PUDP: variants seen among roughly 807,000 people sequenced by gnomAD.
PUDP encodes the protein pseudouridine 5'-phosphatase, also known as pseudouridine-5'-phosphatase.
A neutral mutation model predicts 9.4 loss-of-function variants in PUDP; 8 were observed. The ratio of observed to expected loss-of-function variants is 0.85; its 90% CI spans 0.50 to 1.53. The LOEUF (loss-of-function observed/expected upper bound fraction) is 1.53, where lower values mean the gene tolerates loss of function less well. Among genes scored for constraint, PUDP ranks in the 40% most tolerant of loss-of-function variants. The pLI is 0.00. For synonymous variants in PUDP, 99 were observed against 80.7 expected, an observed-to-expected ratio of 1.23 and a Z score of -1.22; for missense variants, 188 against 189.7, an observed-to-expected ratio of 0.99 and a Z score of 0.05.
At chrX:7,087,915 A>G (rs1197221028) in intron 2 of PUDP, among the ~76,000 whole-genome samples, 1 of 111,270 alleles carries the variant, frequency 9.0e-6, no homozygotes, top group East Asian at 2.8e-4. Context: ...TGATCGGCCT[A>G]AACTCCTCCA....
At chrX:6,780,674 C>T (rs146078050) in intron 3 of PUDP, among the ~76,000 whole-genome samples, 12 of 111,190 alleles carry the variant, frequency 1.1e-4, no homozygotes, top group African/African-American at 3.9e-4. Flanking sequence ...TGCATGATGG[C>T]GAATGAATTC....
At chrX:6,791,227 C>T (rs1602620797) in intron 3 of PUDP, among the ~76,000 whole-genome samples, 1 of 103,510 alleles carries the variant, frequency 9.7e-6, no homozygotes, top group African/African-American at 3.6e-5. Flanking sequence ...TGATGGCACA[C>T]ATTTGTAGTC....
chrX:6,857,773 T>C (rs1326724444), intron 3 of PUDP, among the ~76,000 whole-genome samples: 1 of 111,585 alleles, frequency 9.0e-6, no homozygotes, highest in Non-Finnish European at 1.9e-5. Context: ...TAAATATGTC[T>C]CTTGGTCTTC....
chrX:6,724,110 G>T (rs561115440), upstream of PUDP, among the ~76,000 whole-genome samples: 1 of 110,827 alleles, frequency 9.0e-6, no homozygotes, highest in African/African-American at 3.3e-5. Context: ...TCCGTTAAAC[G>T]GCACTGCCTA....
chrX:6,730,249 T>C (rs928781313), intron 3 of PUDP, among the ~76,000 whole-genome samples: 1 of 112,190 alleles, frequency 8.9e-6, no homozygotes, highest in African/African-American at 3.2e-5. Flanking sequence ...CCACTGATGA[T>C]GCTGACATGA....
chrX:6,709,471 C>T (rs1195965616), intron 1 of PUDP, among the ~76,000 whole-genome samples: 1 of 111,972 alleles, frequency 8.9e-6, no homozygotes, highest in African/African-American at 3.3e-5. Flanking sequence ...GAAAATCTTT[C>T]TTGATCTCCC....
At chrX:6,798,564 A>G (rs1331781542) in intron 3 of PUDP, among the ~76,000 whole-genome samples, 2 of 111,725 alleles carry the variant, frequency 1.8e-5, no homozygotes, top group African/African-American at 6.5e-5. Flanking sequence ...TGCCCCACAG[A>G]TATTAAAGTA....
chrX:7,083,175 A>C (rs1403563463), intron 2 of PUDP, among the ~76,000 whole-genome samples: 1 of 111,775 alleles, frequency 8.9e-6, no homozygotes, highest in East Asian at 2.8e-4. Context: ...CTGTTATTAG[A>C]AGTTGCTGAG....
At chrX:7,114,602 G>A (rs1236994866) in intron 1 of PUDP, among the ~76,000 whole-genome samples, 1 of 111,348 alleles carries the variant, frequency 9.0e-6, no homozygotes, top group East Asian at 2.8e-4. Context: ...CACACAGCAG[G>A]CCCTACCCCA....
intron 3 of PUDP, among the ~76,000 whole-genome samples, chrX:6,892,012 T>C (rs1013867308): frequency 4.5e-5 from 5 of 111,939 alleles, no homozygotes; most frequent in Non-Finnish European, 7.5e-5. Flanking sequence ...CTCAGCACAG[T>C]TGCTGATTGA....
intron 3 of PUDP, among the ~76,000 whole-genome samples, chrX:6,860,911 G>A (rs895945406): frequency 2.7e-5 from 3 of 112,267 alleles, no homozygotes; most frequent in Non-Finnish European, 5.6e-5. Context: ...CCTTGGAAGA[G>A]AAATAAGTAA....
intron 1 of PUDP, among the ~76,000 whole-genome samples, chrX:6,979,648 T>C (rs1929004064): frequency 2.7e-5 from 3 of 111,920 alleles, no homozygotes; most frequent in Admixed American, 9.5e-5. Context: ...AGACGGATAA[T>C]TGATGCTAGG....
intron 3 of PUDP, among the ~76,000 whole-genome samples, chrX:7,063,000 G>A (rs1930450907): frequency 9.3e-6 from 1 of 107,585 alleles, no homozygotes; most frequent in African/African-American, 3.4e-5. Flanking sequence ...AGATGGGTTG[G>A]TTACATGCTA....
downstream of PUDP, among the ~76,000 whole-genome samples, chrX:7,048,027 G>A: frequency 3.6e-5 from 4 of 112,000 alleles, no homozygotes; most frequent in South Asian, 1.5e-3. Context: ...TATAAGACAG[G>A]TGTCTTCCAG....
chrX:7,009,841 A>C (rs1363216060), intron 1 of PUDP, among the ~76,000 whole-genome samples: 1 of 111,736 alleles, frequency 8.9e-6, no homozygotes. Context: ...ATAACAAAAA[A>C]ACGAAAGAAA....
At chrX:7,144,355 ATC>A (rs757892444) in intron 1 of PUDP, among the ~76,000 whole-genome samples, 10 of 112,431 alleles carry the variant, frequency 8.9e-5, no homozygotes, top group Non-Finnish European at 1.7e-4. Context: ...CGTAAGAAAA[ATC>A]TATTTTTGTC....
At chrX:6,844,623 G>C (rs148698078) in intron 3 of PUDP, among the ~76,000 whole-genome samples, 2,475 of 112,301 alleles carry the variant, frequency 0.022, 69 homozygotes, top group African/African-American at 0.076. Flanking sequence ...CAGATAAACA[G>C]AACCAATAGG....
chrX:7,023,840 C>T (rs1165199030), intron 1 of PUDP, among the ~76,000 whole-genome samples: 9 of 112,044 alleles, frequency 8.0e-5, no homozygotes, highest in South Asian at 3.7e-4. Context: ...AGTCTTCCAA[C>T]GTACGCCCAA....
At chrX:6,720,258 G>GTATATATATATATATATA (rs543397118) in intron 1 of PUDP, among the ~76,000 whole-genome samples, 9 of 48,797 alleles carry the variant, frequency 1.8e-4, no homozygotes, top group South Asian at 1.4e-3. Context: ...GTGTGTGTGT[G>GTATATATATATATATATA]TATATATATA....
Sources: allele counts gnomAD v4.1 joint callset (sites outside exome capture counted in the v4.1 genomes callset), GRCh38; gene constraint gnomAD v4.1.1; transcripts MANE v1.5; gene names NCBI Gene and HGNC (gene_info 2026-07-23, HGNC 2026-07-21).